The following ABCG5 variants were observed in gnomAD, a reference collection of about 807,000 sequenced individuals.
ABCG5 encodes ATP-binding cassette sub-family G member 5.
A neutral mutation model predicts 64.5 loss-of-function variants in ABCG5; 64 were observed. That is an observed-to-expected ratio of 0.99 (90% CI 0.81 to 1.22). The LOEUF (loss-of-function observed/expected upper bound fraction) is 1.22, where lower values mean the gene tolerates loss of function less well. ABCG5 is among the 50% of genes most tolerant of loss of function. The probability of loss-of-function intolerance (pLI) is 0.00; values close to 1 mark genes in which losing one functional copy is unlikely to be tolerated. For missense variants in ABCG5, 908 were observed against 829.5 expected, an observed-to-expected ratio of 1.09 and a Z score of -1.16; for synonymous variants, 385 against 326.3, an observed-to-expected ratio of 1.18 and a Z score of -1.94.
downstream of ABCG5, chr2:43,810,122 C>T (rs993777401): frequency 7.9e-6 from 3 of 380,084 alleles, no homozygotes; most frequent in Admixed American, 1.9e-4. Flanking sequence ...AGGTTAAGTG[C>T]CCACGTTAGA....
chr2:43,828,213 A>G, intron 4 of ABCG5, 98 bp from the exon 5 acceptor site: 2 of 1,558,600 alleles, frequency 1.3e-6, no homozygotes, highest in African/African-American at 1.3e-5. Flanking sequence ...CACACCGCCC[A>G]AGAATCCAAG....
intron 7 of ABCG5, 107 bp downstream of exon 7, chr2:43,824,776 CACAAAA>C (rs1667485169): frequency 6.5e-7 from 1 of 1,532,100 alleles, no homozygotes; most frequent in Non-Finnish European, 8.9e-7. Context: ...GAGTATAAAA[CACAAAA>C]ACAAAAGCAA....
chr2:43,809,960 C>A, downstream of ABCG5: 2 of 1,300,464 alleles, frequency 1.5e-6, no homozygotes, highest in Non-Finnish European at 9.9e-7. Flanking sequence ...TATTGTAGAA[C>A]CACGTGTAAT....
intron 5 of ABCG5, among the ~76,000 whole-genome samples, chr2:43,827,622 C>T (rs1435527443): frequency 2.0e-5 from 3 of 152,172 alleles, no homozygotes; most frequent in African/African-American, 7.2e-5. Context: ...ATTTCATGAA[C>T]ACCTGTGGTC....
In ABCG5 at chr2:43,823,924, G is replaced by T. The variant is rs751198635; in HGVS notation, c.1313C>A (p.Ala438Asp). Residue 438 changes from alanine (A) to aspartate (D), a missense_variant, in exon 9 of 13, where the codon GCT becomes GAT. Ala to Asp is a moderately radical substitution (Grantham distance 126). Coordinates refer to ENST00000405322, the MANE Select transcript of ABCG5 (RefSeq NM_022436.3). ...ACGTGGGCACTTACACAGATTCACA[G>T]CGTTCAGCATGCCTGTGTACGGGGT... The part of the protein sequence containing the change: ...GATPYTGMLN[A>D]VNLFPVLRAV... The T allele has an allele frequency of 1.2e-6, 2 of 1,614,034 alleles. No homozygotes were observed. Among genetic ancestry groups the T allele is most frequent in the Non-Finnish European group, 1.7e-6 (2 of 1,180,008 alleles).
chr2:43,826,530 A>G lies in ABCG5; in HGVS notation c.635-9T>C, dbSNP rs1270500873. On this transcript the variant is annotated splice_polypyrimidine_tract_variant and intron_variant, in intron 5 of 12. Transcript: ENST00000405322. ...ATCAAACAGCATGACCTCTGCCAGC[A>G]AAGAAGGGCCAGACTTCTAAGGTAG... 1.1e-5 allele frequency: 17 copies of G among 1,614,084 alleles called. No homozygotes were observed. Among genetic ancestry groups the G allele is most frequent in the South Asian group, 2.2e-5 (2 of 91,086 alleles).
At chr2:43,828,472 C>CAAAAAAAAA (rs754944007) in intron 4 of ABCG5, 14 of 189,940 alleles carry the variant, frequency 7.4e-5, no homozygotes, top group South Asian at 1.1e-4. Flanking sequence ...CCTGTCTCTA[C>CAAAAAAAAA]AAAAAAAAAA....
In ABCG5 at chr2:43,838,305, G is replaced by A. The variant is rs1031240346; in HGVS notation, c.143+232C>T. The stretch of plus-strand genomic sequence containing the variant: ...GTAGACACTGGGTTGGCAGGGCACT[G>A]CTGCCACTTTGTTTATGCCCAGGCC... On this transcript the variant is annotated intron_variant, in intron 1 of 12. Transcript: ENST00000405322. The surrounding 1 kb of genome is among the most constrained non-coding windows in gnomAD (Gnocchi z 4.2). The A allele has an allele frequency of 7.1e-5, 43 of 606,134 alleles. No homozygotes were observed. In the African/African-American group the frequency reaches 7.4e-4, roughly 10 times the overall value. 37.5% of individuals were successfully genotyped at this position (606,134 alleles called of 1,614,324 possible). A position where few individuals can be genotyped will look rare whatever the true frequency, so the allele number is the denominator to read the frequency against.
chr2:43,820,224 C>T, intron 10 of ABCG5, 124 bp from the exon 11 acceptor site: 1 of 1,168,028 alleles, frequency 8.6e-7, no homozygotes, highest in Non-Finnish European at 1.2e-6. Flanking sequence ...GGGCAAGCCA[C>T]ACTCCCCTTT....
chr2:43,820,674 G>A (rs1361254553), intron 10 of ABCG5, among the ~76,000 whole-genome samples: 1 of 152,032 alleles, frequency 6.6e-6, no homozygotes, highest in Non-Finnish European at 1.5e-5. Flanking sequence ...TCTTTTTTGA[G>A]ACGGAGTTGC....
intron 11 of ABCG5, among the ~76,000 whole-genome samples, chr2:43,816,735 A>G (rs535744565): frequency 6.6e-6 from 1 of 152,284 alleles, no homozygotes; most frequent in African/African-American, 2.4e-5. Flanking sequence ...TTAAATGGGA[A>G]AAAAAGTATG....
chr2:43,835,309 T>C (rs1020194024), intron 2 of ABCG5, among the ~76,000 whole-genome samples: 1 of 152,086 alleles, frequency 6.6e-6, no homozygotes, highest in African/African-American at 2.4e-5. Context: ...GTTCCATTTC[T>C]TGTTGTTCTT....
At chr2:43,808,304 A>G (rs373229307), downstream of ABCG5, among the ~76,000 whole-genome samples, 2 of 151,630 alleles carry the variant, frequency 1.3e-5, no homozygotes, top group African/African-American at 2.4e-5. Context: ...TCCTAAGTCT[A>G]TATACCATTT....
chr2:43,828,492 A>G lies in ABCG5; in HGVS notation c.502-377T>C, dbSNP rs1162307886. ...CTCTACAAAAAAAAAAAAAAAAAAA[A>G]AGAAAGAAAAAAACAATAAATTAGC... On this transcript the variant is annotated intron_variant, in intron 4 of 12. Transcript: ENST00000405322. The G allele has an allele frequency of 1.3e-5, 5 of 372,660 alleles. No homozygotes were observed. The East Asian group carries it at 4.4e-4, about 33-fold the overall frequency. 23.1% of individuals were successfully genotyped at this position (372,660 alleles called of 1,614,324 possible).
intron 5 of ABCG5, among the ~76,000 whole-genome samples, chr2:43,826,870 G>C (rs1415656739): frequency 3.3e-5 from 5 of 152,292 alleles, no homozygotes; most frequent in South Asian, 2.1e-4. Flanking sequence ...CTGAGAGAAG[G>C]CTGGTCAAAA....
In ABCG5 at chr2:43,824,929, A is replaced by T. The variant is rs1437969982; in HGVS notation, c.864T>A (p.Gly288=). The T allele has an allele frequency of 1.2e-6, 2 of 1,614,118 alleles. No individual in the cohort carries two copies. The highest frequency in any genetic ancestry group is 1.7e-6 in the Non-Finnish European group (2 of 1,179,998). ...AEMLDFFNDC[G]YPCPEHSNPF... Reference sequence around the variant, plus strand: ...GGTTTGAATGTTCAGGACAAGGGTAACCGCAGTCATTGAAGAAATCAAGCA... The same window carrying T: ...GGTTTGAATGTTCAGGACAAGGGTATCCGCAGTCATTGAAGAAATCAAGCA... Residue 288 remains glycine (G), a synonymous_variant, in exon 7 of 13, where the codon GGT becomes GGA. Coordinates refer to ENST00000405322, the MANE Select transcript of ABCG5 (RefSeq NM_022436.3).
downstream of ABCG5, chr2:43,810,396 T>C (rs2104731850): frequency 1.0e-6 from 1 of 985,392 alleles, no homozygotes; most frequent in East Asian, 1.1e-4. Flanking sequence ...TCTAAGGAGA[T>C]ATCCTATCAA....
rs578172555 is a variant in ABCG5, at chr2:43,832,215, A to C, written c.266-132T>G. The C allele has an allele frequency of 3.0e-5, 39 of 1,295,254 alleles. 1 individual carries two copies. In the South Asian group the frequency reaches 4.6e-4, roughly 15 times the overall value. 80.2% of individuals were successfully genotyped at this position (1,295,254 alleles called of 1,614,324 possible). On this transcript the variant is annotated intron_variant, in intron 2 of 12. Transcript: ENST00000405322. ...CATGACGGACCCTGTTCTAGGTGTT[A>C]AGGACACAGCAGGATACAGGCCCTG... is the stretch of plus-strand genomic sequence containing the variant.
intron 2 of ABCG5, among the ~76,000 whole-genome samples, chr2:43,836,237 G>C (rs914775061): frequency 6.6e-6 from 1 of 151,924 alleles, no homozygotes; most frequent in South Asian, 2.1e-4. Context: ...CACCGTGCCC[G>C]GCCTGGGAAT....
Sources: gnomAD v4.1 joint callset for allele counts (sites outside exome capture counted in the v4.1 genomes callset) on GRCh38, gnomAD v4.1.1 for gene constraint, Gnocchi (gnomAD v3.1) non-coding constraint, MANE v1.5 for transcripts, NCBI Gene and HGNC (gene_info 2026-07-23, HGNC 2026-07-21) for gene names.